PTPN12: variants seen among roughly 807,000 people sequenced by gnomAD.
The protein encoded by PTPN12 is tyrosine-protein phosphatase non-receptor type 12.
A neutral mutation model predicts 97.6 loss-of-function variants in PTPN12; 29 were observed. That is an observed-to-expected ratio of 0.30 (90% CI 0.22 to 0.41). The LOEUF (loss-of-function observed/expected upper bound fraction) is 0.41. Ranked by LOEUF, PTPN12 falls within the 10% of genes least tolerant of loss-of-function variation. The pLI, the probability that PTPN12 is intolerant of heterozygous loss-of-function variation, is 1.00. For missense variants in PTPN12, 819 were observed against 926.0 expected (o/e 0.88, Z 1.50); for synonymous variants, 327 against 300.4 (o/e 1.09, Z -0.91).
chr7:77,630,762 C>T (rs1275070080), intron 13 of PTPN12, among the ~76,000 whole-genome samples: 1 of 152,124 alleles, frequency 6.6e-6, no homozygotes, highest in Non-Finnish European at 1.5e-5. Flanking sequence ...TGACTTAGGC[C>T]TCCTGAAAGA....
intron 6 of PTPN12, among the ~76,000 whole-genome samples, chr7:77,597,626 A>C (rs1365919698): frequency 6.6e-6 from 1 of 152,218 alleles, no homozygotes; most frequent in Non-Finnish European, 1.5e-5. Flanking sequence ...GTAATTTAAA[A>C]TGTGGAGTGA....
chr7:77,538,224 A>G (rs1342761216), intron 1 of PTPN12: 24 of 433,378 alleles, frequency 5.5e-5, no homozygotes, highest in Non-Finnish European at 7.1e-5. Flanking sequence ...AGGATTGCCC[A>G]TAAGGAATCT....
intron 14 of PTPN12, among the ~76,000 whole-genome samples, chr7:77,634,437 T>G (rs1388760937): frequency 6.6e-6 from 1 of 152,038 alleles, no homozygotes; most frequent in Non-Finnish European, 1.5e-5. Context: ...ATTTATTTAT[T>G]TTTTATTTAT....
chr7:77,631,214 G>A (rs1184064148), intron 13 of PTPN12, among the ~76,000 whole-genome samples: 1 of 152,154 alleles, frequency 6.6e-6, no homozygotes. Context: ...GCAAGAGAGA[G>A]TTCTGGTACT....
chr7:77,626,996 G>A lies in PTPN12; in HGVS notation c.1317G>A (p.Lys439=), dbSNP rs977325421. ...AACGAAATTTAAGTTTTGAGATTAA[G>A]AAGGTCCCTCTCCAAGAGGGACCAA... is the stretch of plus-strand genomic sequence containing the variant. ...KLERNLSFEI[K]KVPLQEGPKS... Residue 439 remains lysine, a synonymous_variant, in exon 13 of 18, where the codon AAG becomes AAA. Transcript: ENST00000248594. 1 of 1,609,566 alleles carries A rather than the reference G, an allele frequency of 6.2e-7. No homozygotes were observed. Among genetic ancestry groups the A allele is most frequent in the African/African-American group, 1.3e-5 (1 of 74,426 alleles).
chr7:77,538,723 C>T (rs976212504), intron 1 of PTPN12: 1 of 152,300 alleles, frequency 6.6e-6, no homozygotes, highest in African/African-American at 2.4e-5. Context: ...CCCCCCCAAC[C>T]CCCGCCCTTT....
chr7:77,585,682 C>G, intron 5 of PTPN12, 101 bp downstream of exon 5: 1 of 1,025,500 alleles, frequency 9.8e-7, no homozygotes, highest in Non-Finnish European at 1.4e-6. Context: ...GTAGATACTT[C>G]TTTTATTTTG....
At chr7:77,555,828 TGTC>T (rs1009647417) in intron 1 of PTPN12, among the ~76,000 whole-genome samples, 9 of 151,894 alleles carry the variant, frequency 5.9e-5, no homozygotes, top group African/African-American at 2.2e-4. Flanking sequence ...GGCAGGAGAA[TGTC>T]GTGAACCCAG....
intron 11 of PTPN12, among the ~76,000 whole-genome samples, chr7:77,617,811 G>T (rs1268464795): frequency 7.3e-5 from 11 of 150,218 alleles, no homozygotes; most frequent in Non-Finnish European, 1.6e-4. Flanking sequence ...TCTTATACCT[G>T]TATTGACTCT....
At chr7:77,557,382 C>T (rs962715160) in intron 1 of PTPN12, among the ~76,000 whole-genome samples, 6 of 152,162 alleles carry the variant, frequency 3.9e-5, no homozygotes, top group Non-Finnish European at 5.9e-5. Context: ...TCTGATTACT[C>T]GTGATTCTCC....
intron 12 of PTPN12, among the ~76,000 whole-genome samples, chr7:77,620,518 G>A (rs937088598): frequency 3.3e-5 from 5 of 152,088 alleles, no homozygotes; most frequent in African/African-American, 1.2e-4. Flanking sequence ...TTCTAAGTTG[G>A]GATGATTTTT....
chr7:77,582,164 G>A (rs1171588483), intron 3 of PTPN12, among the ~76,000 whole-genome samples: 1 of 131,652 alleles, frequency 7.6e-6, no homozygotes, highest in African/African-American at 3.0e-5. Flanking sequence ...GCGCTATCTC[G>A]GCTCACTGCA....
intron 6 of PTPN12, among the ~76,000 whole-genome samples, chr7:77,596,032 G>T (rs181522205): frequency 1.3e-5 from 2 of 152,164 alleles, no homozygotes; most frequent in African/African-American, 4.8e-5. Flanking sequence ...AAAATCATGT[G>T]TTATGGAAAG....
chr7:77,540,162 A>T (rs928087707), intron 1 of PTPN12, among the ~76,000 whole-genome samples: 4 of 151,884 alleles, frequency 2.6e-5, no homozygotes, highest in African/African-American at 7.3e-5. Context: ...TGTACTGGAG[A>T]AGTGGCCTTA....
At chr7:77,604,920 G>T in intron 8 of PTPN12, 1 of 421,292 alleles carries the variant, frequency 2.4e-6, no homozygotes. Context: ...CTGATCTCTG[G>T]AGAATTCACT....
intron 4 of PTPN12, among the ~76,000 whole-genome samples, chr7:77,584,106 G>GGGAA (rs201687731): frequency 0.012 from 1,867 of 152,256 alleles, 19 homozygotes; most frequent in Non-Finnish European, 0.017. Flanking sequence ...TTTGGATGAA[G>GGGAA]GGAAATAATA....
rs145059891 is a variant in PTPN12, at chr7:77,573,755, T to C, written c.208+2569T>C. 4.2e-3 allele frequency among the ~76,000 whole-genome samples: 647 copies of C among 152,344 alleles called. 6 individuals are homozygous for C. Among genetic ancestry groups the C allele is most frequent in the African/African-American group, 0.015 (623 of 41,586 alleles). On this transcript the variant is annotated intron_variant, in intron 2 of 17. Coordinates refer to ENST00000248594, the MANE Select transcript of PTPN12 (RefSeq NM_002835.4). ...GCCGTAGGTTTCTCTTTTCATATGATGTTTCATTTTCTTCTTTGTTTTTGA... is the reference window on the plus strand; with the variant it reads ...GCCGTAGGTTTCTCTTTTCATATGACGTTTCATTTTCTTCTTTGTTTTTGA...
chr7:77,555,508 C>G (rs1032397246), intron 1 of PTPN12, among the ~76,000 whole-genome samples: 1 of 151,978 alleles, frequency 6.6e-6, no homozygotes, highest in Non-Finnish European at 1.5e-5. Flanking sequence ...GTTTTGGAAG[C>G]TTTTATTGAG....
At position 77,600,783 on chromosome 7, in the gene PTPN12, T is replaced by A; in HGVS notation, c.672T>A (p.Asp224Glu). The change falls in exon 8 of 18, where the codon GAT (aspartate) becomes GAA (glutamate). Residue 224 changes from aspartate to glutamate, a missense_variant. Coordinates refer to ENST00000248594, the MANE Select transcript of PTPN12 (RefSeq NM_002835.4). ...SLMRKYQEHEDVPICIHCSAG... is the reference protein window; with the variant it reads ...SLMRKYQEHEEVPICIHCSAG... The stretch of plus-strand genomic sequence containing the variant: ...TGAGGAAATATCAAGAACATGAAGA[T>A]GTTCCTATTTGTATTCATTGCAGGT... 6.2e-7 allele frequency: 1 copy of A among 1,600,612 alleles called. No individual in the cohort carries two copies. The highest frequency in any genetic ancestry group is 2.2e-5 in the East Asian group (1 of 44,768).
Sources: gnomAD v4.1 joint callset for allele counts (sites outside exome capture counted in the v4.1 genomes callset) on GRCh38, gnomAD v4.1.1 for gene constraint, MANE v1.5 for transcripts, NCBI Gene and HGNC (gene_info 2026-07-23, HGNC 2026-07-21) for gene names.